Variants in MAMDC2 observed in about 807,000 individuals in gnomAD.
The protein encoded by MAMDC2 is MAM domain containing 2, also known as MAM domain-containing protein 2.
MAMDC2 carries 57 observed loss-of-function variants against 89.8 expected under a neutral mutation model. That is an observed-to-expected ratio of 0.63 (90% CI 0.51 to 0.79). MAMDC2 has a LOEUF of 0.79. Ranked by LOEUF, MAMDC2 falls within the 30% of genes least tolerant of loss-of-function variation. The pLI is 0.00. For missense variants in MAMDC2, 800 were observed against 820.6 expected (o/e 0.97, Z 0.31); for synonymous variants, 313 against 293.4 (o/e 1.07, Z -0.68).
chr9:70,177,881 C>G (rs1405385778), intron 11 of MAMDC2, among the ~76,000 whole-genome samples: 1 of 152,176 alleles, frequency 6.6e-6, no homozygotes, highest in African/African-American at 2.4e-5. Context: ...CCCTTCACAC[C>G]AAAGCAGAGT....
At position 70,044,607 on chromosome 9, in the gene MAMDC2, G is replaced by A. The variant is rs193920950; in HGVS notation, c.58G>A (p.Asp20Asn). ...AGCCCTGCAGCTCGCCGGTGCCCTC[G>A]ACCTGCCCGCTGGGTCCTGTGCCTT... ...LQALQLAGAL[D>N]LPAGSCAFEE... Residue 20 changes from aspartate to asparagine, a missense_variant, in exon 2 of 14, where the codon GAC becomes AAC. By Grantham distance (23) the Asp-to-Asn change is conservative. Coordinates refer to ENST00000377182, the MANE Select transcript of MAMDC2 (RefSeq NM_153267.5). The A allele has an allele frequency of 5.8e-6, 9 of 1,550,610 alleles. No homozygotes were observed. The highest frequency in any genetic ancestry group is 1.4e-5 in the African/African-American group (1 of 73,026).
intron 9 of MAMDC2, among the ~76,000 whole-genome samples, chr9:70,159,184 A>G (rs2031873306): frequency 6.6e-6 from 1 of 152,154 alleles, no homozygotes; most frequent in Non-Finnish European, 1.5e-5. Flanking sequence ...ATTTAATTAC[A>G]TGAATAAAAA....
chr9:70,118,708 T>C (rs2030137773), intron 5 of MAMDC2, among the ~76,000 whole-genome samples: 1 of 152,190 alleles, frequency 6.6e-6, no homozygotes, highest in Admixed American at 6.5e-5. Flanking sequence ...CTTTTGCCTT[T>C]GCTTTCAGGT....
intron 11 of MAMDC2, among the ~76,000 whole-genome samples, chr9:70,185,110 G>A (rs987451356): frequency 3.3e-5 from 5 of 152,208 alleles, no homozygotes; most frequent in African/African-American, 9.6e-5. Context: ...TTTTCTGTCT[G>A]TTAGTTTTTC....
Position 70,174,683 on chromosome 9 carries a change from C to T in MAMDC2, c.1651+4052C>T, listed in dbSNP as rs184405136. 1.6e-4 allele frequency among the ~76,000 whole-genome samples: 25 copies of T among 151,748 alleles called. 1 individual carries two copies. The highest frequency in any genetic ancestry group is 1.2e-3 in the Admixed American group (19 of 15,220). On this transcript the variant is annotated intron_variant, in intron 11 of 13. Coordinates refer to ENST00000377182, the MANE Select transcript of MAMDC2 (RefSeq NM_153267.5). ...AATGACCCAGAGAAATAATGGTAGG[C>T]CAGCTCATGGAGGACCTTGTAATTA...
chr9:70,164,238 C>G (rs1027314670), intron 9 of MAMDC2, among the ~76,000 whole-genome samples: 2 of 152,134 alleles, frequency 1.3e-5, no homozygotes, highest in African/African-American at 4.8e-5. Context: ...AAAGAATTAT[C>G]TGGCCCAAAA....
At chr9:70,060,492 G>C (rs138770626) in intron 2 of MAMDC2, 4 of 152,216 alleles carry the variant, frequency 2.6e-5, no homozygotes, top group African/African-American at 9.6e-5. Context: ...TCATCCTGCT[G>C]TTATGGCACC....
intron 2 of MAMDC2, chr9:70,088,371 G>T (rs1183926267): frequency 6.6e-6 from 1 of 152,064 alleles, no homozygotes; most frequent in African/African-American, 2.4e-5. Context: ...TTCAACTAGA[G>T]GTATTTTAGG....
At chr9:70,111,055 T>C (rs1474076050) in intron 4 of MAMDC2, among the ~76,000 whole-genome samples, 1 of 152,194 alleles carries the variant, frequency 6.6e-6, no homozygotes, top group Non-Finnish European at 1.5e-5. Context: ...AACAGACCAT[T>C]TTCTGAAGAT....
At chr9:70,053,868 G>T (rs532463326) in intron 2 of MAMDC2, among the ~76,000 whole-genome samples, 2 of 152,304 alleles carry the variant, frequency 1.3e-5, no homozygotes, top group East Asian at 3.9e-4. Context: ...CTAAGGAAGA[G>T]ATTATGAGGG....
Position 70,143,752 on chromosome 9 carries a change from T to C in MAMDC2, c.1337T>C (p.Val446Ala), listed in dbSNP as rs749392882. Residue 446 changes from valine to alanine, a missense_variant, in exon 9 of 14, where the codon GTG (valine) becomes GCG (alanine). Val to Ala is a moderately conservative substitution (Grantham distance 64). Coordinates refer to ENST00000377182, the MANE Select transcript of MAMDC2 (RefSeq NM_153267.5). ...GTGGTTCAAGAGAAGATCTGGTCTG[T>C]GTTGGAGTCCCCAAGGGGTGTTTGG... ...NHVVQEKIWS[V>A]LESPRGVWMQ... is the part of the protein sequence containing the mutation. 4 of 1,614,196 alleles carry C rather than the reference T, an allele frequency of 2.5e-6. No homozygotes were observed. The highest frequency in any genetic ancestry group is 3.4e-6 in the Non-Finnish European group (4 of 1,180,008).
At chr9:70,091,611 C>T (rs565176003) in intron 2 of MAMDC2, among the ~76,000 whole-genome samples, 4 of 152,190 alleles carry the variant, frequency 2.6e-5, no homozygotes, top group East Asian at 3.9e-4. Context: ...CAATCCGAAT[C>T]GGATCCGGAA....
chr9:70,104,105 A>C (rs1024406391), intron 2 of MAMDC2, among the ~76,000 whole-genome samples: 3 of 152,236 alleles, frequency 2.0e-5, no homozygotes, highest in Admixed American at 6.5e-5. Flanking sequence ...AACAATAAAA[A>C]GACAACCCAA....
chr9:70,176,289 T>G (rs1374927066), intron 11 of MAMDC2, among the ~76,000 whole-genome samples: 1 of 152,260 alleles, frequency 6.6e-6, no homozygotes, highest in Non-Finnish European at 1.5e-5. Flanking sequence ...ATTCTACTCC[T>G]GTATTTACAT....
At chr9:70,137,378 A>G (rs1329271892) in intron 7 of MAMDC2, among the ~76,000 whole-genome samples, 1 of 152,216 alleles carries the variant, frequency 6.6e-6, no homozygotes, top group African/African-American at 2.4e-5. Flanking sequence ...ATTCTTCAGC[A>G]TAACTATAGG....
chr9:70,104,856 T>A (rs898389644), intron 2 of MAMDC2, among the ~76,000 whole-genome samples: 1 of 152,094 alleles, frequency 6.6e-6, no homozygotes, highest in Non-Finnish European at 1.5e-5. Context: ...TGTTCTGGAA[T>A]TAGATAGTGG....
At position 70,143,934 on chromosome 9, in the gene MAMDC2, C is replaced by T. The variant is rs139051224; in HGVS notation, c.1404+115C>T. On this transcript the variant is annotated intron_variant, in intron 9 of 13. Coordinates refer to ENST00000377182, the MANE Select transcript of MAMDC2 (RefSeq NM_153267.5). ...ATTATTTTCCTTCTGTTCAGGCCTACGGCCTCACCCTTACACCCTACTCCC... is the reference window on the plus strand; with the variant it reads ...ATTATTTTCCTTCTGTTCAGGCCTATGGCCTCACCCTTACACCCTACTCCC... 353 of 1,234,214 alleles carry T rather than the reference C, an allele frequency of 2.9e-4. 3 individuals carry two copies. The East Asian group carries it at 7.6e-3, about 27-fold the overall frequency. The allele number at this position is 1,234,214 out of a possible 1,614,324, so 76.5% of individuals were successfully genotyped here.
At chr9:70,144,024 A>C (rs1388705154) in intron 9 of MAMDC2, among the ~76,000 whole-genome samples, 2 of 152,232 alleles carry the variant, frequency 1.3e-5, no homozygotes, top group Non-Finnish European at 1.5e-5. Context: ...ACAGCCACCT[A>C]GAGAGTTTGC....
chr9:70,097,718 A>G (rs893190826), intron 2 of MAMDC2, among the ~76,000 whole-genome samples: 11 of 152,276 alleles, frequency 7.2e-5, no homozygotes, highest in Admixed American at 3.9e-4. Context: ...ACCTGCCTAT[A>G]AAGTTGCATT....
Sources: allele counts gnomAD v4.1 joint callset (sites outside exome capture counted in the v4.1 genomes callset), GRCh38; gene constraint gnomAD v4.1.1; transcripts MANE v1.5; gene names NCBI Gene and HGNC (gene_info 2026-07-23, HGNC 2026-07-21).